PTPRM: variants seen among roughly 807,000 people sequenced by gnomAD.
PTPRM encodes protein tyrosine phosphatase receptor type M, also known as receptor-type tyrosine-protein phosphatase mu.
Under a neutral mutation model 186.7 loss-of-function variants are expected in PTPRM, and 47 were observed. The ratio of observed to expected loss-of-function variants is 0.25; its 90% CI spans 0.20 to 0.32. The LOEUF (loss-of-function observed/expected upper bound fraction) is 0.32. PTPRM is among the 10% of genes least tolerant of loss of function. The pLI is 1.00. For missense variants in PTPRM, 1,494 were observed against 1,865.0 expected (o/e 0.80, Z 3.66); for synonymous variants, 668 against 674.9 (o/e 0.99, Z 0.16).
At chr18:7,928,821 G>T (rs2051320655) in intron 5 of PTPRM, among the ~76,000 whole-genome samples, 1 of 152,134 alleles carries the variant, frequency 6.6e-6, no homozygotes, top group South Asian at 2.1e-4. Flanking sequence ...CCTGGACTTG[G>T]TGTGCTCCTG....
intron 13 of PTPRM, among the ~76,000 whole-genome samples, chr18:8,126,101 G>GCATTGTCT (rs2092356981): frequency 7.0e-6 from 1 of 143,538 alleles, no homozygotes; most frequent in South Asian, 2.2e-4. Context: ...GCATGAAACA[G>GCATTGTCT]CATTGTCTGT....
At chr18:7,794,336 G>A (rs2043494434) in intron 2 of PTPRM, among the ~76,000 whole-genome samples, 1 of 152,150 alleles carries the variant, frequency 6.6e-6, no homozygotes, top group African/African-American at 2.4e-5. Context: ...ACTGCTCTGG[G>A]GTCGGAGCCC....
chr18:7,659,661 C>T (rs1367913436), intron 1 of PTPRM, among the ~76,000 whole-genome samples: 2 of 152,200 alleles, frequency 1.3e-5, no homozygotes, highest in African/African-American at 4.8e-5. Context: ...CTTCCTAATA[C>T]AGCAGTTTTA....
At chr18:8,241,736 CT>C (rs536002723) in intron 14 of PTPRM, among the ~76,000 whole-genome samples, 51 of 152,308 alleles carry the variant, frequency 3.3e-4, no homozygotes, top group Admixed American at 1.2e-3. Context: ...TTTATGACAT[CT>C]GCTGAAAGTA....
At chr18:8,351,724 G>C (rs1384542371) in intron 23 of PTPRM, among the ~76,000 whole-genome samples, 1 of 152,258 alleles carries the variant, frequency 6.6e-6, no homozygotes, top group Admixed American at 6.5e-5. Context: ...AAAACTAGAA[G>C]TCAAAGAGGA....
chr18:8,363,744 A>T (rs2095611084), intron 23 of PTPRM, among the ~76,000 whole-genome samples: 1 of 152,166 alleles, frequency 6.6e-6, no homozygotes, highest in Non-Finnish European at 1.5e-5. Context: ...AGTTTGAGTG[A>T]TGCTGCTTTC....
At chr18:8,397,929 C>A (rs754883419) in intron 32 of PTPRM, among the ~76,000 whole-genome samples, 12 of 152,148 alleles carry the variant, frequency 7.9e-5, no homozygotes, top group Non-Finnish European at 1.3e-4. Context: ...AGTGCACTGC[C>A]CAGGAAGTGA....
rs766639330 is a variant in PTPRM, at chr18:8,076,528, A to G, written c.1515A>G (p.Glu505=). The G allele has an allele frequency of 1.2e-6, 2 of 1,603,706 alleles. No individual in the cohort carries two copies. Among genetic ancestry groups the G allele is most frequent in the Admixed American group, 3.4e-5 (2 of 59,630 alleles). ...AGAAGATATTTCTTCAGTGGAGAGA[A>G]CCAACTCAAACATATGGTGTAATCA... ...FEEKIFLQWR[E]PTQTYGVITL... The change falls in exon 9 of 33, where the codon GAA becomes GAG. Residue 505 remains glutamate, a synonymous_variant. Transcript: ENST00000580170.
chr18:7,994,698 GA>G (rs2083443761), intron 7 of PTPRM, among the ~76,000 whole-genome samples: 1 of 152,060 alleles, frequency 6.6e-6, no homozygotes, highest in African/African-American at 2.4e-5. Context: ...AAAAAATATG[GA>G]AGTTAAATAA....
intron 19 of PTPRM, among the ~76,000 whole-genome samples, chr18:8,278,540 G>A (rs750709966): frequency 6.6e-6 from 1 of 152,176 alleles, no homozygotes; most frequent in Non-Finnish European, 1.5e-5. Context: ...AGTGAAAGCA[G>A]AGGCAAAATG....
At chr18:8,161,461 T>C (rs1371433599) in intron 14 of PTPRM, among the ~76,000 whole-genome samples, 1 of 152,092 alleles carries the variant, frequency 6.6e-6, no homozygotes, top group Non-Finnish European at 1.5e-5. Flanking sequence ...GCACCCACTG[T>C]CCAGCTTCAG....
At chr18:8,395,051 G>T (rs916801812) in intron 32 of PTPRM, among the ~76,000 whole-genome samples, 4 of 152,112 alleles carry the variant, frequency 2.6e-5, no homozygotes, top group Admixed American at 6.5e-5. Flanking sequence ...ATTTAATTAT[G>T]GTGGCCATAT....
intron 14 of PTPRM, among the ~76,000 whole-genome samples, chr18:8,240,831 AAAGAAAGAAAGAAAAG>A (rs2094426524): frequency 9.1e-6 from 1 of 110,236 alleles, no homozygotes; most frequent in African/African-American, 4.2e-5. Flanking sequence ...AGAGAGAAAG[AAAGAAAGAAAGAAAAG>A]AAAGAAAGAA....
At chr18:8,294,078 C>A (rs1477131625) in intron 19 of PTPRM, among the ~76,000 whole-genome samples, 1 of 152,012 alleles carries the variant, frequency 6.6e-6, no homozygotes, top group Non-Finnish European at 1.5e-5. Flanking sequence ...GGGTGAAACC[C>A]CATCTGTACT....
At chr18:7,888,080 G>T in intron 2 of PTPRM, 26 bp from the exon 3 acceptor site, 2 of 1,614,032 alleles carry the variant, frequency 1.2e-6, no homozygotes, top group South Asian at 2.2e-5. Flanking sequence ...TTCAGGGTAT[G>T]ACTCTCCTTG....
intron 22 of PTPRM, among the ~76,000 whole-genome samples, chr18:8,335,977 G>A (rs182040244): frequency 7.9e-5 from 12 of 152,170 alleles, no homozygotes; most frequent in Admixed American, 4.6e-4. Flanking sequence ...ACCCATGATC[G>A]CGCCACCGCA....
intron 23 of PTPRM, among the ~76,000 whole-genome samples, chr18:8,361,401 C>T (rs2148394238): frequency 6.6e-6 from 1 of 152,302 alleles, no homozygotes; most frequent in East Asian, 1.9e-4. Flanking sequence ...ATGGTGACCA[C>T]CACTAACAGT....
At chr18:8,116,054 T>G (rs1388033957) in intron 13 of PTPRM, among the ~76,000 whole-genome samples, 1 of 152,230 alleles carries the variant, frequency 6.6e-6, no homozygotes, top group African/African-American at 2.4e-5. Context: ...AGAAATAAAT[T>G]GATATTTACT....
intron 22 of PTPRM, 40 bp from the exon 23 acceptor site, chr18:8,343,379 AACTT>A (rs1232167390): frequency 6.3e-7 from 1 of 1,578,584 alleles, no homozygotes; most frequent in African/African-American, 1.4e-5. Context: ...TTCCAGTTGA[AACTT>A]ACAACAAAAA....
Sources: gnomAD v4.1 joint callset for allele counts (sites outside exome capture counted in the v4.1 genomes callset) on GRCh38, gnomAD v4.1.1 for gene constraint, MANE v1.5 for transcripts, NCBI Gene and HGNC (gene_info 2026-07-23, HGNC 2026-07-21) for gene names.